ELF2: variants seen among roughly 807,000 people sequenced by gnomAD.
ELF2 encodes ETS-related transcription factor Elf-2.
A neutral mutation model predicts 54.8 loss-of-function variants in ELF2; 11 were observed. The observed-to-expected ratio is 0.20, with a 90% confidence interval of 0.13 to 0.33. ELF2 has a LOEUF of 0.33. Ranked by LOEUF, ELF2 falls within the 10% of genes least tolerant of loss-of-function variation. The pLI is 1.00. For missense variants in ELF2, 513 were observed against 703.0 expected, an observed-to-expected ratio of 0.73 and a Z score of 3.06; for synonymous variants, 203 against 245.1, an observed-to-expected ratio of 0.83 and a Z score of 1.61.
intron 1 of ELF2, among the ~76,000 whole-genome samples, chr4:139,148,648 G>A (rs1286792210): frequency 6.7e-6 from 1 of 149,760 alleles, no homozygotes; most frequent in Non-Finnish European, 1.5e-5. Context: ...CATTTGAGAT[G>A]TTTCTACTTT....
intron 3 of ELF2, among the ~76,000 whole-genome samples, chr4:139,131,467 A>G (rs756391487): frequency 6.6e-6 from 1 of 152,246 alleles, no homozygotes; most frequent in Non-Finnish European, 1.5e-5. Flanking sequence ...AGACAAGTAC[A>G]ATGAAATGGC....
intron 1 of ELF2, among the ~76,000 whole-genome samples, chr4:139,168,396 C>G (rs985651871): frequency 6.6e-6 from 1 of 152,184 alleles, no homozygotes; most frequent in Non-Finnish European, 1.5e-5. Context: ...TTATTTGTTA[C>G]ATTTCTGTAG....
rs1262480305 is a variant in ELF2 at position 139,115,269 on chromosome 4, C to G, written c.238+9895G>C. 9.4e-6 allele frequency: 15 copies of G among 1,601,328 alleles called. No homozygotes were observed. In the Admixed American group the frequency reaches 2.0e-4, roughly 22 times the overall value. ...CGCCGCCCGGGCCCTCTCCTGCGGT[C>G]CCGGGGGGGGCTCTGAAAGTAGACG... is the stretch of plus-strand genomic sequence containing the variant. On this transcript the variant is annotated intron_variant, in intron 4 of 9. Transcript: ENST00000686138.
At chr4:139,134,603 ATTTTATTTTATTTTATTTAT>A (rs1243868204) in intron 3 of ELF2, among the ~76,000 whole-genome samples, 3 of 141,110 alleles carry the variant, frequency 2.1e-5, no homozygotes, top group Non-Finnish European at 4.6e-5. Flanking sequence ...ATTTTATTTT[ATTTTATTTTATTTTATTTAT>A]TTTATTTTAT....
intron 6 of ELF2, among the ~76,000 whole-genome samples, chr4:139,068,654 C>T (rs1483499944): frequency 2.0e-5 from 3 of 152,072 alleles, no homozygotes; most frequent in African/African-American, 4.8e-5. Flanking sequence ...CTCATTTTTG[C>T]CATAAGGCTC....
intron 1 of ELF2, among the ~76,000 whole-genome samples, chr4:139,163,109 AT>A (rs745349638): frequency 6.6e-6 from 1 of 152,198 alleles, no homozygotes; most frequent in Non-Finnish European, 1.5e-5. Context: ...AAATAAAAAA[AT>A]ATATAAAATA....
At chr4:139,159,937 C>T (rs1740946407) in intron 1 of ELF2, among the ~76,000 whole-genome samples, 1 of 152,106 alleles carries the variant, frequency 6.6e-6, no homozygotes, top group Non-Finnish European at 1.5e-5. Context: ...GCGTGTAGTC[C>T]CTTTGCAAGA....
At chr4:139,087,402 G>C (rs915814642) in intron 4 of ELF2, among the ~76,000 whole-genome samples, 2 of 152,240 alleles carry the variant, frequency 1.3e-5, no homozygotes, top group African/African-American at 4.8e-5. Flanking sequence ...GGCATGATCT[G>C]CTGTGCCCAG....
At position 139,110,674 on chromosome 4, in the gene ELF2, C is replaced by T. The variant is rs537996295; in HGVS notation, c.238+14490G>A. 2.6e-5 allele frequency among the ~76,000 whole-genome samples: 4 copies of T among 152,024 alleles called. No homozygotes were observed. In the South Asian group the frequency reaches 8.3e-4, roughly 32 times the overall value. On this transcript the variant is annotated intron_variant, in intron 4 of 9. Coordinates refer to ENST00000686138, the MANE Select transcript of ELF2 (RefSeq NM_001331036.3). ...CTCCAGTTGTAAAGATACTCACAAC[C>T]TCTCATTCCATCTTAAACAACTGCA...
At chr4:139,083,435 G>A (rs1248937008) in intron 4 of ELF2, among the ~76,000 whole-genome samples, 1 of 152,202 alleles carries the variant, frequency 6.6e-6, no homozygotes, top group Admixed American at 6.5e-5. Context: ...ATGAGCAAAG[G>A]GAGGCGGGCC....
At chr4:139,067,530 C>T (rs1342090612) in intron 7 of ELF2, 154 bp downstream of exon 7, 1 of 678,790 alleles carries the variant, frequency 1.5e-6, no homozygotes, top group Admixed American at 2.8e-5. Flanking sequence ...AAAAAGCTCC[C>T]CACGTGATGC....
At chr4:139,073,603 C>A in intron 4 of ELF2, 36 bp from the exon 5 acceptor site, 2 of 1,258,926 alleles carry the variant, frequency 1.6e-6, no homozygotes, top group South Asian at 3.4e-5. Context: ...ATTAAAAATA[C>A]ACTAAACACA....
chr4:139,093,400 T>C (rs1353501270), intron 4 of ELF2, among the ~76,000 whole-genome samples: 1 of 152,248 alleles, frequency 6.6e-6, no homozygotes, highest in Non-Finnish European at 1.5e-5. Flanking sequence ...TCTTAACTTA[T>C]GCAAGCTGTT....
intron 7 of ELF2, chr4:139,066,304 T>C (rs1241865136): frequency 1.3e-5 from 2 of 152,010 alleles, no homozygotes; most frequent in Non-Finnish European, 2.9e-5. Flanking sequence ...TCTGTCAGAA[T>C]CTGAGTGACA....
chr4:139,094,396 T>C (rs75452490), intron 4 of ELF2, among the ~76,000 whole-genome samples: 2,872 of 152,214 alleles, frequency 0.019, 212 homozygotes, highest in Admixed American at 0.14. Flanking sequence ...CTGGTTCTTG[T>C]TTCAAGTCAA....
chr4:139,096,199 G>A (rs931650221), intron 4 of ELF2, among the ~76,000 whole-genome samples: 3 of 152,116 alleles, frequency 2.0e-5, no homozygotes, highest in African/African-American at 4.8e-5. Flanking sequence ...TAAGTTTCAA[G>A]GTTAAGGTTA....
chr4:139,085,298 G>C (rs1399252860), intron 4 of ELF2, among the ~76,000 whole-genome samples: 1 of 152,054 alleles, frequency 6.6e-6, no homozygotes, highest in East Asian at 1.9e-4. Context: ...TGAAACAAAG[G>C]GTTATGCTAA....
intron 4 of ELF2, among the ~76,000 whole-genome samples, chr4:139,105,281 GTT>G (rs930108287): frequency 1.8e-4 from 28 of 152,126 alleles, no homozygotes; most frequent in African/African-American, 6.8e-4. Context: ...AAACTTACAT[GTT>G]TTGTCCACTA....
intron 4 of ELF2, chr4:139,114,800 G>A (rs914703477): frequency 1.1e-5 from 16 of 1,509,992 alleles, no homozygotes; most frequent in Non-Finnish European, 1.4e-5. Context: ...AGACCCCTGG[G>A]CCAGGGGCAC....
Sources: allele counts gnomAD v4.1 joint callset (sites outside exome capture counted in the v4.1 genomes callset), GRCh38; gene constraint gnomAD v4.1.1; transcripts MANE v1.5; gene names NCBI Gene and HGNC (gene_info 2026-07-23, HGNC 2026-07-21).